Variants in RABGAP1L observed in about 807,000 individuals in gnomAD.
RABGAP1L encodes rab GTPase-activating protein 1-like.
Under a neutral mutation model 137.7 loss-of-function variants are expected in RABGAP1L, and 63 were observed. The observed-to-expected ratio is 0.46, with a 90% CI of 0.37 to 0.56. The LOEUF (loss-of-function observed/expected upper bound fraction) is 0.56, where lower values mean the gene tolerates loss of function less well. Among genes scored for constraint, RABGAP1L ranks in the 20% least tolerant of loss-of-function variants. The pLI is 0.00. For synonymous variants in RABGAP1L, 431 were observed against 433.7 expected (o/e 0.99, Z 0.08); for missense variants, 1,095 against 1,244.0 (o/e 0.88, Z 1.80).
At chr1:174,817,332 AG>A (rs1344623180) in intron 19 of RABGAP1L, among the ~76,000 whole-genome samples, 1 of 152,224 alleles carries the variant, frequency 6.6e-6, no homozygotes, top group Non-Finnish European at 1.5e-5. Context: ...AACTATGCCA[AG>A]AGGACTTTTC....
At position 174,231,255 on chromosome 1, in the gene RABGAP1L, G is replaced by A; in HGVS notation, c.442G>A (p.Glu148Lys). 3 of 1,614,048 alleles carry A rather than the reference G, an allele frequency of 1.9e-6. No individual in the cohort carries two copies. Among genetic ancestry groups the A allele is most frequent in the Non-Finnish European group, 2.5e-6 (3 of 1,179,972 alleles). Residue 148 changes from glutamate to lysine, a missense_variant, in exon 4 of 26, where the codon GAA (glutamate) becomes AAA (lysine). Glu to Lys is a moderately conservative substitution (Grantham distance 56). Coordinates refer to ENST00000681986, the MANE Select transcript of RABGAP1L (RefSeq NM_001366446.1). The part of the protein sequence containing the change: ...GCMKVSSPRN[E>K]VEALRAMATM... ...TATGAAGGTTTCTTCCCCACGTAAT[G>A]AAGTAGAGGCTTTACGGGCAATGGC...
chr1:174,839,628 C>G (rs541316582), intron 19 of RABGAP1L, among the ~76,000 whole-genome samples: 1 of 152,294 alleles, frequency 6.6e-6, no homozygotes, highest in East Asian at 1.9e-4. Flanking sequence ...ATTGAGGAGA[C>G]TACGTGGAAA....
Position 174,990,953 on chromosome 1 carries a change from A to G in RABGAP1L, c.*952A>G, listed in dbSNP as rs1672018100. On this transcript the variant is annotated 3_prime_UTR_variant, in exon 26 of 26. Transcript: ENST00000681986. ...CTAAGGAAACACTAACAATACTGTA[A>G]CTTTGTTAAAGGACATAGTATTGAA... The G allele has an allele frequency of 6.6e-6, 1 of 152,228 alleles. No homozygotes were observed. Among genetic ancestry groups the G allele is most frequent in the Non-Finnish European group, 1.5e-5 (1 of 68,044 alleles). 9.4% of individuals were successfully genotyped at this position (152,228 alleles called of 1,614,324 possible).
At chr1:174,397,798 T>C (rs1225281305) in intron 13 of RABGAP1L, among the ~76,000 whole-genome samples, 1 of 152,166 alleles carries the variant, frequency 6.6e-6, no homozygotes, top group Non-Finnish European at 1.5e-5. Context: ...TCAAGACTTC[T>C]GACATCAGCC....
chr1:174,207,730 A>G (rs776668180), intron 1 of RABGAP1L, among the ~76,000 whole-genome samples: 3 of 152,190 alleles, frequency 2.0e-5, no homozygotes, highest in Non-Finnish European at 4.4e-5. Context: ...CCATGTGCAG[A>G]TAGGTCTTTT....
intron 13 of RABGAP1L, among the ~76,000 whole-genome samples, chr1:174,425,913 T>C (rs1651894453): frequency 6.6e-6 from 1 of 152,074 alleles, no homozygotes; most frequent in Admixed American, 6.5e-5. Context: ...GTAACTGCCA[T>C]ACGTCTAGTT....
intron 14 of RABGAP1L, among the ~76,000 whole-genome samples, chr1:174,679,728 ACT>A (rs1677907245): frequency 6.6e-6 from 1 of 152,146 alleles, no homozygotes; most frequent in Non-Finnish European, 1.5e-5. Context: ...TGACTGTTAG[ACT>A]CTATATTGTG....
chr1:174,897,199 A>G (rs576734473), intron 19 of RABGAP1L: 14 of 152,258 alleles, frequency 9.2e-5, no homozygotes, highest in African/African-American at 2.9e-4. Context: ...CTTTGAAGCA[A>G]TTGTGAATGG....
chr1:174,796,354 T>TA lies in RABGAP1L; in HGVS notation c.2212-15471dup, dbSNP rs1042705484. ...ATTTATTACTGAATCGCAACAACAA[T>TA]AAAAAAAGTATTTGGGATTTGGGGA... is the stretch of plus-strand genomic sequence containing the variant. On this transcript the variant is annotated intron_variant, in intron 18 of 25. Coordinates refer to ENST00000681986, the MANE Select transcript of RABGAP1L (RefSeq NM_001366446.1). Among the ~76,000 whole-genome samples the TA allele has an allele frequency of 3.9e-5, 6 of 152,166 alleles. No homozygotes were observed. In the East Asian group the frequency reaches 7.7e-4, roughly 20 times the overall value.
intron 13 of RABGAP1L, among the ~76,000 whole-genome samples, chr1:174,577,323 A>T (rs772693331): frequency 9.3e-5 from 14 of 150,438 alleles, no homozygotes; most frequent in African/African-American, 1.5e-4. Context: ...AAATATATTT[A>T]TATATATATA....
chr1:174,564,106 G>C (rs1667406852), intron 13 of RABGAP1L, among the ~76,000 whole-genome samples: 1 of 152,108 alleles, frequency 6.6e-6, no homozygotes, highest in East Asian at 1.9e-4. Flanking sequence ...GCACATTTTA[G>C]TATAATTTTC....
chr1:174,271,186 T>C lies in RABGAP1L; in HGVS notation c.987-1228T>C, dbSNP rs534225318. Among the ~76,000 whole-genome samples, 177 of 152,236 alleles carry C rather than the reference T, an allele frequency of 1.2e-3. 1 individual carries two copies. Among genetic ancestry groups the C allele is most frequent in the Non-Finnish European group, 2.0e-3 (138 of 67,958 alleles). On this transcript the variant is annotated intron_variant, in intron 7 of 25. Transcript: ENST00000681986. ...AGTTATCCTCAGAGCTTACCAACTT[T>C]AGCTTTGCTATGTACGTGATCATTT...
chr1:174,837,100 G>T (rs1692831002), intron 19 of RABGAP1L, among the ~76,000 whole-genome samples: 3 of 152,050 alleles, frequency 2.0e-5, no homozygotes, highest in Admixed American at 6.5e-5. Context: ...CCAGTTACTT[G>T]GGGGGCTGAG....
At chr1:174,962,080 C>G (rs1436898898) in intron 20 of RABGAP1L, among the ~76,000 whole-genome samples, 1 of 151,876 alleles carries the variant, frequency 6.6e-6, no homozygotes, top group Non-Finnish European at 1.5e-5. Context: ...GAGGCTGAGG[C>G]AGGAGAATGG....
chr1:174,297,522 G>A (rs573837299), intron 10 of RABGAP1L, among the ~76,000 whole-genome samples: 1 of 152,124 alleles, frequency 6.6e-6, no homozygotes, highest in Non-Finnish European at 1.5e-5. Flanking sequence ...GTTTTTCTGG[G>A]GCGGCCCTTG....
intron 17 of RABGAP1L, among the ~76,000 whole-genome samples, chr1:174,748,742 G>T (rs1573017238): frequency 6.6e-6 from 1 of 152,050 alleles, no homozygotes. Context: ...GGGCGTGGTG[G>T]CATATGCCTG....
At chr1:174,570,789 G>A (rs1016628476) in intron 13 of RABGAP1L, among the ~76,000 whole-genome samples, 1 of 152,204 alleles carries the variant, frequency 6.6e-6, no homozygotes, top group Admixed American at 6.5e-5. Context: ...TAGCAAGGAT[G>A]TGGAGAAAAG....
intron 10 of RABGAP1L, among the ~76,000 whole-genome samples, chr1:174,284,366 T>C (rs1675863069): frequency 6.6e-6 from 1 of 152,246 alleles, no homozygotes; most frequent in Non-Finnish European, 1.5e-5. Flanking sequence ...TCTAGCTTTT[T>C]TTACTTAGCA....
At chr1:174,636,527 C>CAAA (rs11348226) in intron 13 of RABGAP1L, among the ~76,000 whole-genome samples, 1 of 135,282 alleles carries the variant, frequency 7.4e-6, no homozygotes, top group Non-Finnish European at 1.6e-5. Flanking sequence ...GACTCTACTT[C>CAAA]AAAAAAAAAA....
Sources: allele counts gnomAD v4.1 joint callset (sites outside exome capture counted in the v4.1 genomes callset), GRCh38; gene constraint gnomAD v4.1.1; transcripts MANE v1.5; gene names NCBI Gene and HGNC (gene_info 2026-07-23, HGNC 2026-07-21).